The following TEX19 variants were observed in gnomAD, a reference collection of about 807,000 sequenced individuals.
TEX19 encodes testis expressed 19, also known as testis-expressed protein 19.
For synonymous variants in TEX19, 77 were observed against 73.9 expected (o/e 1.04, Z -0.21); for missense variants, 184 against 194.4 (o/e 0.95, Z 0.32).
chr17:82,360,582 C>A (rs2052378930), intron 1 of TEX19, among the ~76,000 whole-genome samples: 1 of 115,484 alleles, frequency 8.7e-6, no homozygotes, highest in Non-Finnish European at 1.8e-5. Context: ...CAGGTTCCCC[C>A]AGTTTCCCTC....
At position 82,362,813 on chromosome 17, in the gene TEX19, C is replaced by G. The variant is rs1010897110; in HGVS notation, c.*168C>G. ...TCTACCTACAGAAGATGACCCCAGA[C>G]AGGGCCCTGAGGACCCCAGGGCAGC... On this transcript the variant is annotated 3_prime_UTR_variant, in exon 2 of 2. Transcript: ENST00000333437. This position sits in a 1 kb window ranked among gnomAD's most constrained non-coding sequence, Gnocchi z 5.5. 47 of 870,528 alleles carry G rather than the reference C, an allele frequency of 5.4e-5. 1 individual carries two copies. Among genetic ancestry groups the G allele is most frequent in the Non-Finnish European group, 7.9e-5 (47 of 597,276 alleles). 53.9% of individuals were successfully genotyped at this position (870,528 alleles called of 1,614,324 possible).
intron 1 of TEX19, chr17:82,361,576 T>G (rs2052394861): frequency 1.0e-6 from 1 of 977,284 alleles, no homozygotes; most frequent in African/African-American, 1.8e-5. Flanking sequence ...CCAGTTTCCT[T>G]CAGGTTCCCT....
rs1297850179 is a variant in TEX19 at position 82,363,615 on chromosome 17, C to G, written c.*970C>G. The G allele has an allele frequency of 6.0e-6, 1 of 167,072 alleles. No individual in the cohort carries two copies. Among genetic ancestry groups the G allele is most frequent in the Non-Finnish European group, 1.5e-5 (1 of 68,134 alleles). The allele number at this position is 167,072 out of a possible 1,614,324, so 10.3% of individuals were successfully genotyped here. A position where few individuals can be genotyped will look rare whatever the true frequency, so the allele number is the denominator to read the frequency against. On this transcript the variant is annotated 3_prime_UTR_variant, in exon 2 of 2. Coordinates refer to ENST00000333437, the MANE Select transcript of TEX19 (RefSeq NM_207459.4). ...GTTCTCGACTTTGCCAGGACAATCT[C>G]AGGGGTGCCACAAGACCCTGTCAGC... is the stretch of plus-strand genomic sequence containing the variant.
intron 1 of TEX19, among the ~76,000 whole-genome samples, chr17:82,360,530 CCAGTTTCCCT>C (rs1194726200): frequency 7.7e-5 from 5 of 64,676 alleles, no homozygotes; most frequent in African/African-American, 2.7e-4. Flanking sequence ...TCAGGTTCCC[CCAGTTTCCCT>C]CAGTTTCCCC....
intron 1 of TEX19, 199 bp from the exon 2 acceptor site, chr17:82,361,681 G>A: frequency 4.1e-6 from 4 of 985,386 alleles, no homozygotes; most frequent in Non-Finnish European, 4.8e-6. Context: ...GGTCCCTGAG[G>A]TGTAGGGGGT....
chr17:82,362,085 C>T lies in TEX19; in HGVS notation c.-66C>T, dbSNP rs920042088. 11 of 1,540,526 alleles carry T rather than the reference C, an allele frequency of 7.1e-6. No homozygotes were observed. The highest frequency in any genetic ancestry group is 1.4e-5 in the African/African-American group (1 of 73,216). On this transcript the variant is annotated 5_prime_UTR_variant, in exon 2 of 2. Coordinates refer to ENST00000333437, the MANE Select transcript of TEX19 (RefSeq NM_207459.4). This position sits in a 1 kb window ranked among gnomAD's most constrained non-coding sequence, Gnocchi z 5.5. ...ACTGGCCTCAGCACCTGTGGCCAGA[C>T]CGTCCAAGATCCTCTGAAGGCCCAG... is the stretch of plus-strand genomic sequence containing the variant.
At position 82,362,614 on chromosome 17, in the gene TEX19, G is replaced by A; in HGVS notation, c.464G>A (p.Cys155Tyr). Reference protein sequence around the residue: ...LPWRFEELLTCSHWPSFFPS With the variant: ...LPWRFEELLTYSHWPSFFPS ...TGGAGATTTGAGGAGCTTCTTACCT[G>A]CTCACACTGGCCAAGCTTCTTTCCT... is the stretch of plus-strand genomic sequence containing the variant. Residue 155 changes from cysteine to tyrosine, a missense_variant, in exon 2 of 2, where the codon TGC becomes TAC. By Grantham distance (194) the Cys-to-Tyr change is radical. Transcript: ENST00000333437. This position sits in a 1 kb window ranked among gnomAD's most constrained non-coding sequence, Gnocchi z 5.5. 1 of 1,567,132 alleles carries A rather than the reference G, an allele frequency of 6.4e-7. No homozygotes were observed. The highest frequency in any genetic ancestry group is 8.6e-7 in the Non-Finnish European group (1 of 1,162,684).
chr17:82,359,832 C>A (rs868439299), intron 1 of TEX19, among the ~76,000 whole-genome samples: 113 of 102,118 alleles, frequency 1.1e-3, no homozygotes, highest in Non-Finnish European at 1.6e-3. Context: ...CAGGTTCCCC[C>A]AGTTTCCCTC....
intron 1 of TEX19, 103 bp from the exon 2 acceptor site, chr17:82,361,777 A>G (rs926116924): frequency 1.7e-5 from 18 of 1,069,776 alleles, no homozygotes; most frequent in Non-Finnish European, 1.8e-5. Context: ...TCCCCACTAA[A>G]GGGCCAGTCT....
chr17:82,362,451 G>A lies in TEX19; in HGVS notation c.301G>A (p.Gly101Arg), dbSNP rs768822950. 14 of 1,612,642 alleles carry A rather than the reference G, an allele frequency of 8.7e-6. No homozygotes were observed. The highest frequency in any genetic ancestry group is 3.3e-5 in the South Asian group (3 of 91,076). Reference sequence around the variant, plus strand: ...GGGGGGCTCTGAGGCATGGGGGCCAGGGACCCTGGCAGCAGCCCCAGAAGG... The same window carrying A: ...GGGGGGCTCTGAGGCATGGGGGCCAAGGACCCTGGCAGCAGCCCCAGAAGG... ...VQGGSEAWGP[G>R]TLAAAPEGLE... is the part of the protein sequence containing the mutation. The change falls in exon 2 of 2, where the codon GGG becomes AGG. Residue 101 changes from glycine (G) to arginine (R), a missense_variant. Coordinates refer to ENST00000333437, the MANE Select transcript of TEX19 (RefSeq NM_207459.4). The surrounding 1 kb of genome is among the most constrained non-coding windows in gnomAD (Gnocchi z 5.5).
At position 82,362,185 on chromosome 17, in the gene TEX19, A is replaced by C. The variant is rs1352979376; in HGVS notation, c.35A>C (p.Glu12Ala). The C allele has an allele frequency of 1.9e-6, 3 of 1,612,776 alleles. No homozygotes were observed. The Admixed American group carries it at 5.0e-5, about 27-fold the overall frequency. ...CCGGTCAGCATGCGGTATGAGGAAG[A>C]GGGCATGTCCTACCTCTACGCCTCC... is the stretch of plus-strand genomic sequence containing the variant. ...CPPVSMRYEEEGMSYLYASWM... is the reference protein window; with the variant it reads ...CPPVSMRYEEAGMSYLYASWM... Residue 12 changes from glutamate to alanine, a missense_variant, in exon 2 of 2, where the codon GAG becomes GCG. Coordinates refer to ENST00000333437, the MANE Select transcript of TEX19 (RefSeq NM_207459.4). The surrounding 1 kb of genome is among the most constrained non-coding windows in gnomAD (Gnocchi z 5.5).
At chr17:82,359,885 GGGTTCCCCCAGTTTCCCTCA>G (rs2052366911) in intron 1 of TEX19, among the ~76,000 whole-genome samples, 1 of 92,368 alleles carries the variant, frequency 1.1e-5, no homozygotes, top group Non-Finnish European at 2.1e-5. Context: ...AGTTTCCCTC[GGGTTCCCCCAGTTTCCCTCA>G]GGTTCCCCCA....
rs2052400823 is a variant in TEX19, at chr17:82,362,206, C to A, written c.56C>A (p.Ala19Asp). 6.2e-7 allele frequency: 1 copy of A among 1,613,652 alleles called. No homozygotes were observed. Among genetic ancestry groups the A allele is most frequent in the African/African-American group, 1.3e-5 (1 of 75,078 alleles). The change falls in exon 2 of 2, where the codon GCC (alanine) becomes GAC (aspartate). Residue 19 changes from alanine to aspartate, a missense_variant. Coordinates refer to ENST00000333437, the MANE Select transcript of TEX19 (RefSeq NM_207459.4). This position sits in a 1 kb window ranked among gnomAD's most constrained non-coding sequence, Gnocchi z 5.5. The stretch of plus-strand genomic sequence containing the variant: ...GAAGAGGGCATGTCCTACCTCTACG[C>A]CTCCTGGATGTATCAGCTTCAACAT... ...YEEEGMSYLY[A>D]SWMYQLQHGD...
Position 82,362,931 on chromosome 17 carries a change from A to G in TEX19, c.*286A>G, listed in dbSNP as rs1437585218. 1 of 385,130 alleles carries G rather than the reference A, an allele frequency of 2.6e-6. No individual in the cohort carries two copies. Among genetic ancestry groups the G allele is most frequent in the Non-Finnish European group, 4.8e-6 (1 of 207,300 alleles). 23.9% of individuals were successfully genotyped at this position (385,130 alleles called of 1,614,324 possible). On this transcript the variant is annotated 3_prime_UTR_variant, in exon 2 of 2. Coordinates refer to ENST00000333437, the MANE Select transcript of TEX19 (RefSeq NM_207459.4). The surrounding 1 kb of genome is among the most constrained non-coding windows in gnomAD (Gnocchi z 5.5). ...GGACCTGCACTGGTGGATGCTGAGC[A>G]TTCTAGAAACATCGTTAACAGGACA...
At position 82,363,506 on chromosome 17, in the gene TEX19, A is replaced by G. The variant is rs780784691; in HGVS notation, c.*861A>G. ...GGGGCAGGGCACAGAACTTGTGCCT[A>G]TTTCACCTTGGCCATGGGGAGGGAC... On this transcript the variant is annotated 3_prime_UTR_variant, in exon 2 of 2. Coordinates refer to ENST00000333437, the MANE Select transcript of TEX19 (RefSeq NM_207459.4). 1 of 166,934 alleles carries G rather than the reference A, an allele frequency of 6.0e-6. No homozygotes were observed. Among genetic ancestry groups the G allele is most frequent in the Non-Finnish European group, 1.5e-5 (1 of 68,120 alleles). The allele number at this position is 166,934 out of a possible 1,614,324, so 10.3% of individuals were successfully genotyped here.
At position 82,362,170 on chromosome 17, in the gene TEX19, T is replaced by C. The variant is rs757728929; in HGVS notation, c.20T>C (p.Met7Thr). Residue 7 changes from methionine to threonine, a missense_variant, in exon 2 of 2, where the codon ATG becomes ACG. Physicochemically the swap from Met to Thr is moderately conservative, Grantham distance 81. Coordinates refer to ENST00000333437, the MANE Select transcript of TEX19 (RefSeq NM_207459.4). This position sits in a 1 kb window ranked among gnomAD's most constrained non-coding sequence, Gnocchi z 5.5. ...CTGGCCATGTGCCCTCCGGTCAGCA[T>C]GCGGTATGAGGAAGAGGGCATGTCC... MCPPVS[M>T]RYEEEGMSYL... 1.4e-5 allele frequency: 23 copies of C among 1,610,916 alleles called. No homozygotes were observed. The highest frequency in any genetic ancestry group is 3.3e-5 in the Admixed American group (2 of 59,940).
Position 82,362,196 on chromosome 17 carries a change from T to C in TEX19, c.46T>C (p.Tyr16His). 6.2e-7 allele frequency: 1 copy of C among 1,613,472 alleles called. No homozygotes were observed. The highest frequency in any genetic ancestry group is 1.1e-5 in the South Asian group (1 of 91,088). Reference protein sequence around the residue: ...SMRYEEEGMSYLYASWMYQLQ... With the variant: ...SMRYEEEGMSHLYASWMYQLQ... ...GCGGTATGAGGAAGAGGGCATGTCC[T>C]ACCTCTACGCCTCCTGGATGTATCA... Residue 16 changes from tyrosine (Y) to histidine (H), a missense_variant, in exon 2 of 2, where the codon TAC (tyrosine) becomes CAC (histidine). Physicochemically the swap from Tyr to His is moderately conservative, Grantham distance 83. Coordinates refer to ENST00000333437, the MANE Select transcript of TEX19 (RefSeq NM_207459.4). This position sits in a 1 kb window ranked among gnomAD's most constrained non-coding sequence, Gnocchi z 5.5.
intron 1 of TEX19, 48 bp from the exon 2 acceptor site, chr17:82,361,832 C>A: frequency 1.9e-6 from 2 of 1,065,380 alleles, no homozygotes; most frequent in Non-Finnish European, 1.2e-6. Context: ...AGTTTGCCCC[C>A]ACCCTGCCTG....
Position 82,363,700 on chromosome 17 carries a change from T to C in TEX19, c.*1055T>C, listed in dbSNP as rs1056005354. The stretch of plus-strand genomic sequence containing the variant: ...GCTGGTTTTAAATGTTGGCCGTTGA[T>C]GCAATTTAACCATTTAATTCCTGTT... On this transcript the variant is annotated 3_prime_UTR_variant, in exon 2 of 2. Coordinates refer to ENST00000333437, the MANE Select transcript of TEX19 (RefSeq NM_207459.4). 3.6e-5 allele frequency: 6 copies of C among 167,066 alleles called. No homozygotes were observed. The highest frequency in any genetic ancestry group is 2.9e-5 in the Non-Finnish European group (2 of 68,128). 10.3% of individuals were successfully genotyped at this position (167,066 alleles called of 1,614,324 possible).
Sources: allele counts gnomAD v4.1 joint callset (sites outside exome capture counted in the v4.1 genomes callset), GRCh38; gene constraint gnomAD v4.1.1; non-coding constraint Gnocchi (gnomAD v3.1); transcripts MANE v1.5; gene names NCBI Gene and HGNC (gene_info 2026-07-23, HGNC 2026-07-21).